The following RAPGEF2 variants were observed in gnomAD, a reference collection of about 807,000 sequenced individuals.
The protein encoded by RAPGEF2 is PDZ domain containing guanine nucleotide exchange factor (GEF) 1.
Under a neutral mutation model 186.7 loss-of-function variants are expected in RAPGEF2, and 54 were observed. The ratio of observed to expected loss-of-function variants is 0.29; its 90% CI spans 0.23 to 0.36. The LOEUF is 0.36. RAPGEF2 is among the 10% of genes least tolerant of loss of function. The pLI, the probability that RAPGEF2 is intolerant of heterozygous loss-of-function variation, is 1.00. For synonymous variants in RAPGEF2, 712 were observed against 705.9 expected, an observed-to-expected ratio of 1.01 and a Z score of -0.14; for missense variants, 1,532 against 2,045.0, an observed-to-expected ratio of 0.75 and a Z score of 4.84.
intron 4 of RAPGEF2, among the ~76,000 whole-genome samples, chr4:159,236,206 A>G (rs544027038): frequency 2.6e-5 from 4 of 152,142 alleles, no homozygotes; most frequent in Non-Finnish European, 4.4e-5. Flanking sequence ...GAGTCTTTTT[A>G]TGGTTGAAAA....
At chr4:159,243,056 T>C (rs553910583) in intron 6 of RAPGEF2, among the ~76,000 whole-genome samples, 1 of 151,820 alleles carries the variant, frequency 6.6e-6, no homozygotes, top group Non-Finnish European at 1.5e-5. Context: ...TCAGTTTCCT[T>C]ACACGGCTCC....
chr4:159,345,372 C>A lies in RAPGEF2; in HGVS notation c.3502+43C>A, dbSNP rs536769804. ...GTGGCTGCAGACTTTGGCTAGGATG[C>A]AGATTTGTTTCCTGTGCAGTGGTAT... On this transcript the variant is annotated intron_variant, in intron 24 of 29. Transcript: ENST00000691494. 3 of 1,586,844 alleles carry A rather than the reference C, an allele frequency of 1.9e-6. No homozygotes were observed. In the South Asian group the frequency reaches 3.3e-5, roughly 18 times the overall value.
chr4:159,224,322 T>G (rs1751811730), intron 4 of RAPGEF2, among the ~76,000 whole-genome samples: 1 of 152,232 alleles, frequency 6.6e-6, no homozygotes, highest in Non-Finnish European at 1.5e-5. Flanking sequence ...ATTTTAGTCT[T>G]TCAAATATAG....
chr4:159,153,161 G>C (rs1743749751), intron 1 of RAPGEF2, among the ~76,000 whole-genome samples: 1 of 152,088 alleles, frequency 6.6e-6, no homozygotes, highest in Non-Finnish European at 1.5e-5. Flanking sequence ...AAATTCTCTG[G>C]TGCAGTGGAC....
At chr4:159,139,228 T>C (rs938335422) in intron 1 of RAPGEF2, among the ~76,000 whole-genome samples, 2 of 152,108 alleles carry the variant, frequency 1.3e-5, no homozygotes, top group African/African-American at 4.8e-5. Context: ...GCAGTACCCA[T>C]AGGTGAAGAA....
At chr4:159,224,396 C>G (rs888871558) in intron 4 of RAPGEF2, among the ~76,000 whole-genome samples, 1 of 152,154 alleles carries the variant, frequency 6.6e-6, no homozygotes, top group African/African-American at 2.4e-5. Flanking sequence ...TTTCTAAGAA[C>G]GTGCTTGTGG....
chr4:159,263,939 A>C (rs945785006), intron 7 of RAPGEF2, among the ~76,000 whole-genome samples: 1 of 152,166 alleles, frequency 6.6e-6, no homozygotes, highest in African/African-American at 2.4e-5. Context: ...TTTGGAAGTC[A>C]TTGGATGTTA....
chr4:159,161,420 T>C (rs79598558), intron 1 of RAPGEF2, among the ~76,000 whole-genome samples: 3,150 of 152,234 alleles, frequency 0.021, 116 homozygotes, highest in African/African-American at 0.069. Flanking sequence ...AAGAAATAAT[T>C]TAGGCTGGGC....
At chr4:159,213,645 T>C (rs1750734524) in intron 4 of RAPGEF2, among the ~76,000 whole-genome samples, 1 of 152,230 alleles carries the variant, frequency 6.6e-6, no homozygotes. Context: ...GACGTTTAAG[T>C]CAGCATTTTA....
chr4:159,351,450 T>C (rs1310985129), intron 26 of RAPGEF2, among the ~76,000 whole-genome samples: 1 of 152,196 alleles, frequency 6.6e-6, no homozygotes, highest in South Asian at 2.1e-4. Context: ...AATCAGGAAT[T>C]ACCAATATGC....
chr4:159,273,378 T>C (rs1335744204), intron 7 of RAPGEF2, among the ~76,000 whole-genome samples: 1 of 152,268 alleles, frequency 6.6e-6, no homozygotes, highest in African/African-American at 2.4e-5. Context: ...TCTGCTTATA[T>C]GTGCTTTTTG....
intron 3 of RAPGEF2, among the ~76,000 whole-genome samples, chr4:159,208,009 T>G (rs989587909): frequency 1.3e-5 from 2 of 152,246 alleles, no homozygotes; most frequent in African/African-American, 2.4e-5. Context: ...CTTTGCATTT[T>G]CACTTTAGAA....
chr4:159,109,284 G>T (rs1738232393), intron 1 of RAPGEF2, among the ~76,000 whole-genome samples: 1 of 152,042 alleles, frequency 6.6e-6, no homozygotes, highest in African/African-American at 2.4e-5. Flanking sequence ...TGAAGCCCAG[G>T]TGTTCAAGAC....
At chr4:159,293,866 G>C (rs1320389712) in intron 7 of RAPGEF2, among the ~76,000 whole-genome samples, 1 of 152,182 alleles carries the variant, frequency 6.6e-6, no homozygotes, top group Non-Finnish European at 1.5e-5. Flanking sequence ...TTAATGGAAA[G>C]GGAAAGATCA....
At chr4:159,210,394 T>C (rs1279799919) in intron 3 of RAPGEF2, 106 bp from the exon 4 acceptor site, 2 of 671,824 alleles carry the variant, frequency 3.0e-6, no homozygotes, top group East Asian at 2.8e-5. Context: ...TGCTATTCTT[T>C]ATTATTTTAA....
chr4:159,277,405 G>A (rs1759057360), intron 7 of RAPGEF2, among the ~76,000 whole-genome samples: 1 of 152,188 alleles, frequency 6.6e-6, no homozygotes, highest in Non-Finnish European at 1.5e-5. Context: ...TGTCTTTATA[G>A]CAGCATATGA....
At chr4:159,283,010 G>GT (rs1453800393) in intron 7 of RAPGEF2, among the ~76,000 whole-genome samples, 1 of 152,168 alleles carries the variant, frequency 6.6e-6, no homozygotes, top group Admixed American at 6.5e-5. Flanking sequence ...GAGGAGCATG[G>GT]TTATTTGCTT....
intron 17 of RAPGEF2, among the ~76,000 whole-genome samples, chr4:159,334,651 TG>T (rs1463895479): frequency 1.3e-5 from 2 of 152,318 alleles, no homozygotes; most frequent in African/African-American, 4.8e-5. Context: ...CATATGACCT[TG>T]GCAAGTATAA....
intron 17 of RAPGEF2, among the ~76,000 whole-genome samples, chr4:159,337,909 A>AAAAAAAAAAAAAAAAAAAAAAG: frequency 6.7e-6 from 1 of 148,666 alleles, no homozygotes; most frequent in Non-Finnish European, 1.5e-5. Context: ...AAAAAAAAAA[A>AAAAAAAAAAAAAAAAAAAAAAG]AAAAGAAAGA....
Sources: allele counts gnomAD v4.1 joint callset (sites outside exome capture counted in the v4.1 genomes callset), GRCh38; gene constraint gnomAD v4.1.1; transcripts MANE v1.5; gene names NCBI Gene and HGNC (gene_info 2026-07-23, HGNC 2026-07-21).